The following DHX37 variants were observed in gnomAD, a reference collection of about 807,000 sequenced individuals.
DHX37 encodes the protein DEAH-box helicase 37.
A neutral mutation model predicts 134.3 loss-of-function variants in DHX37; 52 were observed. The ratio of observed to expected loss-of-function variants is 0.39; its 90% confidence interval spans 0.31 to 0.49. The LOEUF (loss-of-function observed/expected upper bound fraction) is 0.49, where lower values mean the gene tolerates loss of function less well. Ranked by LOEUF, DHX37 falls within the 20% of genes least tolerant of loss-of-function variation. DHX37 has a pLI of 0.93. For missense variants in DHX37, 1,344 were observed against 1,580.8 expected, an observed-to-expected ratio of 0.85 and a Z score of 2.54; for synonymous variants, 634 against 670.7, an observed-to-expected ratio of 0.95 and a Z score of 0.85.
At chr12:124,977,597 C>T (rs1954672564) in intron 4 of DHX37, 107 bp from the exon 5 acceptor site, 4 of 1,316,740 alleles carry the variant, frequency 3.0e-6, no homozygotes, top group Admixed American at 3.4e-5. Flanking sequence ...GATGTGCCTG[C>T]TGGGGAACAG....
At chr12:124,977,565 G>A in intron 4 of DHX37, 75 bp from the exon 5 acceptor site, 1 of 1,468,724 alleles carries the variant, frequency 6.8e-7, no homozygotes, top group South Asian at 1.4e-5. Context: ...GAAGGTGGCA[G>A]CTGACACATG....
Position 124,968,426 on chromosome 12 carries a change from G to A in DHX37, c.1408+108C>T, listed in dbSNP as rs535980421. ...AGTGAGGAAGCCGAGGCCTGGCAGG[G>A]TCAAGGGACTTTTCTGAGCCACTCG... On this transcript the variant is annotated intron_variant, in intron 10 of 26. Transcript: ENST00000308736. 3.1e-5 allele frequency: 48 copies of A among 1,540,756 alleles called. No homozygotes were observed. In the East Asian group the frequency reaches 9.9e-4, roughly 32 times the overall value.
chr12:124,956,626 C>A (rs1335773809), intron 18 of DHX37, 65 bp downstream of exon 18: 32 of 1,465,650 alleles, frequency 2.2e-5, no homozygotes, highest in Non-Finnish European at 2.5e-5. Flanking sequence ...GTAGCTGGGA[C>A]TCTCAGCCCA....
intron 6 of DHX37, among the ~76,000 whole-genome samples, 191 bp from the exon 7 acceptor site, chr12:124,972,790 A>T (rs1954547232): frequency 6.6e-6 from 1 of 152,214 alleles, no homozygotes. Flanking sequence ...AAGGGAAGGG[A>T]AGGAGCTGTT....
intron 22 of DHX37, 55 bp downstream of exon 22, chr12:124,950,635 C>T (rs1953959237): frequency 6.3e-7 from 1 of 1,592,434 alleles, no homozygotes; most frequent in African/African-American, 1.3e-5. Flanking sequence ...GTCCCAGCCA[C>T]ACCCCCATTA....
intron 8 of DHX37, among the ~76,000 whole-genome samples, chr12:124,970,644 C>G (rs56812576): frequency 0.012 from 1,839 of 152,322 alleles, 36 homozygotes; most frequent in African/African-American, 0.042. Flanking sequence ...TACTCTGAGT[C>G]TGCGTCCTGC....
chr12:124,974,239 C>T (rs551950716), intron 6 of DHX37, among the ~76,000 whole-genome samples: 21 of 152,058 alleles, frequency 1.4e-4, no homozygotes, highest in Middle Eastern at 3.4e-3. Context: ...CAGGCGTGAG[C>T]CACCGCACCC....
In DHX37 at chr12:124,950,717, C is replaced by T. The variant is rs111456585; in HGVS notation, c.2956G>A (p.Val986Met). Reference sequence around the variant, plus strand: ...TTCATGTACATCTTAGTGGTCTCCACGATTTCCTGGTAGACCACAAACTCG... The same window carrying T: ...TTCATGTACATCTTAGTGGTCTCCATGATTTCCTGGTAGACCACAAACTCG... ...LPEFVVYQEI[V>M]ETTKMYMKGV... is the part of the protein sequence containing the mutation. The change falls in exon 22 of 27, where the codon GTG becomes ATG. Residue 986 changes from valine (V) to methionine (M), a missense_variant. Val to Met is a conservative substitution (Grantham distance 21). Coordinates refer to ENST00000308736, the MANE Select transcript of DHX37 (RefSeq NM_032656.4). 47 of 1,611,502 alleles carry T rather than the reference C, an allele frequency of 2.9e-5. No homozygotes were observed. Among genetic ancestry groups the T allele is most frequent in the Middle Eastern group, 1.6e-4 (1 of 6,076 alleles).
chr12:124,971,630 G>A (rs1054913095), intron 7 of DHX37, among the ~76,000 whole-genome samples: 1 of 152,160 alleles, frequency 6.6e-6, no homozygotes, highest in African/African-American at 2.4e-5. Flanking sequence ...TGGACAGCAG[G>A]TGCCACACAG....
Position 124,949,799 on chromosome 12 carries a change from A to G in DHX37, c.3290+187T>C, listed in dbSNP as rs1172169000. 6.6e-6 allele frequency among the ~76,000 whole-genome samples: 1 copy of G among 152,126 alleles called. No homozygotes were observed. Among genetic ancestry groups the G allele is most frequent in the African/African-American group, 2.4e-5 (1 of 41,418 alleles). On this transcript the variant is annotated intron_variant, in intron 25 of 26. Transcript: ENST00000308736. This position sits in a 1 kb window ranked among gnomAD's most constrained non-coding sequence, Gnocchi z 4.0. Reference sequence around the variant, plus strand: ...GGCCACAAGCCCAGGAGGCCGACAGAGGCAAGACGGACCCTCCCCGAGAGC... The same window carrying G: ...GGCCACAAGCCCAGGAGGCCGACAGGGGCAAGACGGACCCTCCCCGAGAGC...
At chr12:124,955,643 C>G (rs1011131145) in intron 18 of DHX37, among the ~76,000 whole-genome samples, 3 of 152,218 alleles carry the variant, frequency 2.0e-5, no homozygotes, top group African/African-American at 7.2e-5. Flanking sequence ...TGCACTGACC[C>G]TGAAAAGATA....
intron 15 of DHX37, among the ~76,000 whole-genome samples, chr12:124,961,264 A>ACACT (rs529082353): frequency 8.0e-6 from 1 of 125,128 alleles, no homozygotes; most frequent in Non-Finnish European, 1.6e-5. Flanking sequence ...ACGCACACAC[A>ACACT]TACACGCGTG....
rs759766260 is a variant in DHX37 at position 124,968,622 on chromosome 12, A to C, written c.1320T>G (p.Thr440=). Residue 440 remains threonine, a synonymous_variant, in exon 10 of 27, where the codon ACT becomes ACG. Coordinates refer to ENST00000308736, the MANE Select transcript of DHX37 (RefSeq NM_032656.4). ...IKVESRQFPV[T]VHFNKRTPLE... ...GCGGTGTCCGCTTGTTGAAATGCAC[A>C]GTCACTGGGAACTGCCTGGATTCCA... 2 of 1,614,020 alleles carry C rather than the reference A, an allele frequency of 1.2e-6. No homozygotes were observed. The highest frequency in any genetic ancestry group is 1.7e-6 in the Non-Finnish European group (2 of 1,180,044).
intron 18 of DHX37, among the ~76,000 whole-genome samples, chr12:124,954,613 T>C (rs1954053754): frequency 1.3e-5 from 2 of 152,162 alleles, no homozygotes; most frequent in African/African-American, 4.8e-5. Context: ...TTAGCCAGAA[T>C]GGTCTCGATC....
At position 124,966,813 on chromosome 12, in the gene DHX37, C is replaced by A; in HGVS notation, c.1570G>T (p.Ala524Ser). The A allele has an allele frequency of 6.2e-7, 1 of 1,614,240 alleles. No individual in the cohort carries two copies. Among genetic ancestry groups the A allele is most frequent in the Non-Finnish European group, 8.5e-7 (1 of 1,180,042 alleles). The stretch of plus-strand genomic sequence containing the variant: ...CGTACCTCAGCCCGCGCCTTCTTGG[C>A]CCTGGCCCTTGACTTCTTAAACTTC... Reference protein sequence around the residue: ...MRKFKKSRARAKKARAEVLPQ... With the variant: ...MRKFKKSRARSKKARAEVLPQ... Residue 524 changes from alanine to serine, a missense_variant, in exon 12 of 27, where the codon GCC becomes TCC. Around this residue, in one of 7 missense-constraint regions of DHX37, gnomAD observed 289 missense variants for 323.8 expected, o/e 0.89. Coordinates refer to ENST00000308736, the MANE Select transcript of DHX37 (RefSeq NM_032656.4).
chr12:124,971,181 G>A (rs750005829), intron 8 of DHX37, 121 bp downstream of exon 8: 5 of 1,452,296 alleles, frequency 3.4e-6, no homozygotes, highest in Admixed American at 2.1e-5. Flanking sequence ...TGTGCTCGGG[G>A]TACCTGCTCA....
chr12:124,968,653 G>A lies in DHX37; in HGVS notation c.1294-5C>T, dbSNP rs1185284955. The A allele has an allele frequency of 3.7e-6, 6 of 1,613,744 alleles. No individual in the cohort carries two copies. The highest frequency in any genetic ancestry group is 1.6e-4 in the Middle Eastern group (1 of 6,084). ...TGGGAACTGCCTGGATTCCACCTGTGGGACGCCCAGGAAGGCATGGGGAGT... is the reference window on the plus strand; with the variant it reads ...TGGGAACTGCCTGGATTCCACCTGTAGGACGCCCAGGAAGGCATGGGGAGT... On this transcript the variant is annotated splice_polypyrimidine_tract_variant and splice_region_variant and intron_variant, in intron 9 of 26. Coordinates refer to ENST00000308736, the MANE Select transcript of DHX37 (RefSeq NM_032656.4).
chr12:124,956,629 T>G, intron 18 of DHX37, 62 bp downstream of exon 18: 1 of 1,470,344 alleles, frequency 6.8e-7, no homozygotes, highest in South Asian at 1.4e-5. Flanking sequence ...GCTGGGACTC[T>G]CAGCCCAGAG....
chr12:124,974,662 T>C (rs1172896427), intron 6 of DHX37, among the ~76,000 whole-genome samples: 1 of 151,766 alleles, frequency 6.6e-6, no homozygotes, highest in Admixed American at 6.6e-5. Context: ...GCTGGACATG[T>C]TAGACACAGG....
Sources: allele counts gnomAD v4.1 joint callset (sites outside exome capture counted in the v4.1 genomes callset), GRCh38; gene constraint gnomAD v4.1.1; regional missense constraint gnomAD v4.1.1; non-coding constraint Gnocchi (gnomAD v3.1); transcripts MANE v1.5; gene names NCBI Gene and HGNC (gene_info 2026-07-23, HGNC 2026-07-21).